Variants in DNAH6 observed in about 807,000 individuals in gnomAD.
DNAH6 encodes the protein axonemal beta dynein heavy chain 6.
In DNAH6, 340 loss-of-function variants were observed where a neutral mutation model predicts 491.4. The ratio of observed to expected loss-of-function variants is 0.69; its 90% CI spans 0.63 to 0.76. DNAH6 has a LOEUF of 0.76. Ranked by LOEUF, DNAH6 falls within the 30% of genes least tolerant of loss-of-function variation. The pLI is 0.00. For missense variants in DNAH6, 4,443 were observed against 4,972.2 expected (o/e 0.89, Z 3.20); for synonymous variants, 1,603 against 1,686.1 (o/e 0.95, Z 1.21).
the DNAH6 span, among the ~76,000 whole-genome samples, chr2:84,486,412 C>T: frequency 0.015 from 2,228 of 152,308 alleles, 36 homozygotes; most frequent in Middle Eastern, 0.088. Flanking sequence ...GCTTTACTCA[C>T]CCCTTAGCCT....
intron 33 of DNAH6, among the ~76,000 whole-genome samples, chr2:84,646,654 A>G (rs1689927902): frequency 6.6e-6 from 1 of 152,246 alleles, no homozygotes; most frequent in Admixed American, 6.5e-5. Flanking sequence ...AACCAGCCAC[A>G]ACATTCCATT....
chr2:84,537,008 G>GC (rs1244124569), intron 4 of DNAH6, among the ~76,000 whole-genome samples: 1 of 151,908 alleles, frequency 6.6e-6, no homozygotes, highest in Non-Finnish European at 1.5e-5. Context: ...CCAAGCCCCT[G>GC]CAGTTTATAT....
chr2:84,584,343 T>C, intron 15 of DNAH6, 93 bp downstream of exon 15: 1 of 1,248,324 alleles, frequency 8.0e-7, no homozygotes, highest in Non-Finnish European at 1.1e-6. Context: ...AAAAATTGTA[T>C]ATATTTACAA....
intron 43 of DNAH6, among the ~76,000 whole-genome samples, chr2:84,685,971 A>G (rs1401579554): frequency 6.6e-6 from 1 of 152,154 alleles, no homozygotes; most frequent in Non-Finnish European, 1.5e-5. Flanking sequence ...AGCGGATCAC[A>G]AAGTCAGGAG....
At chr2:84,581,487 G>C (rs1428178350) in intron 14 of DNAH6, among the ~76,000 whole-genome samples, 3 of 152,166 alleles carry the variant, frequency 2.0e-5, no homozygotes, top group Non-Finnish European at 4.4e-5. Flanking sequence ...AAGAGCATAG[G>C]AATAAGATAC....
intron 68 of DNAH6, among the ~76,000 whole-genome samples, chr2:84,795,687 C>A (rs1487464065): frequency 1.3e-5 from 2 of 152,092 alleles, no homozygotes; most frequent in Non-Finnish European, 2.9e-5. Context: ...GCAATAGATT[C>A]CAGTGTGCTT....
intron 37 of DNAH6, among the ~76,000 whole-genome samples, chr2:84,664,646 A>G (rs1691891095): frequency 6.6e-6 from 1 of 152,130 alleles, no homozygotes. Flanking sequence ...CACAATAATA[A>G]TGGGAGATTT....
chr2:84,647,562 A>G (rs965663042), intron 33 of DNAH6, among the ~76,000 whole-genome samples: 1 of 152,194 alleles, frequency 6.6e-6, no homozygotes, highest in Non-Finnish European at 1.5e-5. Flanking sequence ...TAGGGCCCTT[A>G]AGAATTACAC....
chr2:84,689,777 G>A (rs563106626), intron 45 of DNAH6, among the ~76,000 whole-genome samples: 1 of 152,306 alleles, frequency 6.6e-6, no homozygotes, highest in African/African-American at 2.4e-5. Context: ...GTGTGCCACA[G>A]AGAGATTAGG....
In DNAH6 at chr2:84,694,454, A is replaced by G; in HGVS notation, c.7498A>G (p.Met2500Val). The G allele has an allele frequency of 6.4e-7, 1 of 1,551,844 alleles. No homozygotes were observed. Among genetic ancestry groups the G allele is most frequent in the Non-Finnish European group, 8.7e-7 (1 of 1,146,996 alleles). Residue 2500 changes from methionine (M) to valine (V), a missense_variant, in exon 46 of 77, where the codon ATG becomes GTG. Coordinates refer to ENST00000389394, the MANE Select transcript of DNAH6 (RefSeq NM_001370.2). ...AATGGCTGGTGTAGAAGACAAGAAT[A>G]TGGTTTTCCTTTTCACTGACACCCA... ...YKMAGVEDKN[M>V]VFLFTDTQIV... is the part of the protein sequence containing the mutation.
In DNAH6 at chr2:84,759,207, C is replaced by CA. The variant is rs752611284; in HGVS notation, c.10513-3535dup. ...AGGTAAACCCATTTATAATAGCTACCAAAAAAAAAAAAATACCTGGCTGGG... is the reference window on the plus strand; with the variant it reads ...AGGTAAACCCATTTATAATAGCTACCAAAAAAAAAAAAAATACCTGGCTGGG... On this transcript the variant is annotated intron_variant, in intron 63 of 76. Transcript: ENST00000389394. Among the ~76,000 whole-genome samples, 1,107 of 139,946 alleles carry CA rather than the reference C, an allele frequency of 7.9e-3. 11 individuals are homozygous for CA. The highest frequency in any genetic ancestry group is 0.02 in the African/African-American group (785 of 38,652). 91.8% of individuals were successfully genotyped at this position (139,946 alleles called of 152,430 possible).
chr2:84,497,933 C>G, the DNAH6 span, among the ~76,000 whole-genome samples: 1 of 152,200 alleles, frequency 6.6e-6, no homozygotes, highest in African/African-American at 2.4e-5. Context: ...TTGTCCCTAC[C>G]CTTTGGCATA....
At chr2:84,726,810 G>T (rs548912313) in intron 60 of DNAH6, among the ~76,000 whole-genome samples, 1 of 151,888 alleles carries the variant, frequency 6.6e-6, no homozygotes, top group Non-Finnish European at 1.5e-5. Context: ...TAAATTTTTT[G>T]ATCTTCCTTC....
At chr2:84,773,029 A>C (rs931731918) in intron 64 of DNAH6, among the ~76,000 whole-genome samples, 7 of 152,136 alleles carry the variant, frequency 4.6e-5, no homozygotes, top group Admixed American at 6.5e-5. Flanking sequence ...AAATAAAATG[A>C]TACACTTTTA....
intron 46 of DNAH6, among the ~76,000 whole-genome samples, chr2:84,695,507 G>A (rs1445184465): frequency 6.6e-6 from 1 of 152,062 alleles, no homozygotes; most frequent in Non-Finnish European, 1.5e-5. Context: ...GTACAAAGTT[G>A]CATGTATAAG....
intron 2 of DNAH6, among the ~76,000 whole-genome samples, chr2:84,524,818 T>A (rs1316102829): frequency 6.6e-6 from 1 of 152,122 alleles, no homozygotes; most frequent in East Asian, 1.9e-4. Context: ...GATCCTGTTC[T>A]CTATTCCTAT....
intron 68 of DNAH6, among the ~76,000 whole-genome samples, chr2:84,793,813 G>C (rs1277261030): frequency 6.6e-6 from 1 of 152,216 alleles, no homozygotes; most frequent in Non-Finnish European, 1.5e-5. Flanking sequence ...ACAGGAGAGG[G>C]AAGACAGGCA....
At chr2:84,706,562 T>C (rs950599013) in intron 52 of DNAH6, among the ~76,000 whole-genome samples, 1 of 152,216 alleles carries the variant, frequency 6.6e-6, no homozygotes, top group African/African-American at 2.4e-5. Context: ...TTAGGAAATA[T>C]TAGTTTCCAC....
chr2:84,812,848 A>G (rs1435197247), intron 73 of DNAH6, among the ~76,000 whole-genome samples: 1 of 152,100 alleles, frequency 6.6e-6, no homozygotes, highest in Non-Finnish European at 1.5e-5. Context: ...TCCCTCTCAC[A>G]TACCCCACAA....
Sources: gnomAD v4.1 joint callset for allele counts (sites outside exome capture counted in the v4.1 genomes callset) on GRCh38, gnomAD v4.1.1 for gene constraint, MANE v1.5 for transcripts, NCBI Gene and HGNC (gene_info 2026-07-23, HGNC 2026-07-21) for gene names.